Variants in PITPNB observed in about 807,000 individuals in gnomAD.
PITPNB encodes phosphatidylinositol transfer protein beta isoform.
PITPNB carries 16 observed loss-of-function variants against 45.9 expected under a neutral mutation model. That is an observed-to-expected ratio of 0.35 (90% CI 0.24 to 0.53). The LOEUF (loss-of-function observed/expected upper bound fraction) is 0.53, where lower values mean the gene tolerates loss of function less well. Among genes scored for constraint, PITPNB ranks in the 20% least tolerant of loss-of-function variants. The pLI, the probability that PITPNB is intolerant of heterozygous loss-of-function variation, is 0.93. For missense variants in PITPNB, 188 were observed against 330.5 expected (o/e 0.57, Z 3.34); for synonymous variants, 112 against 108.9 (o/e 1.03, Z -0.18).
At chr22:27,878,792 A>C (rs1054784468) in intron 7 of PITPNB, among the ~76,000 whole-genome samples, 1 of 152,236 alleles carries the variant, frequency 6.6e-6, no homozygotes, top group African/African-American at 2.4e-5. Context: ...ATTACAAATC[A>C]TTCTTATCTA....
intron 11 of PITPNB, 46 bp downstream of exon 11, chr22:27,854,808 A>C (rs1415540186): frequency 8.4e-7 from 1 of 1,190,364 alleles, no homozygotes; most frequent in Non-Finnish European, 1.2e-6. Context: ...CCATCACCAA[A>C]AAGGTACAGG....
intron 10 of PITPNB, among the ~76,000 whole-genome samples, chr22:27,855,457 C>T (rs1934145079): frequency 6.6e-6 from 1 of 152,050 alleles, no homozygotes; most frequent in Non-Finnish European, 1.5e-5. Context: ...CAATGTATGG[C>T]AAACCATGAA....
chr22:27,886,558 G>T (rs1000482145), intron 7 of PITPNB, among the ~76,000 whole-genome samples: 1 of 152,138 alleles, frequency 6.6e-6, no homozygotes, highest in African/African-American at 2.4e-5. Flanking sequence ...TTCTCTGCAT[G>T]GTGAAGTATA....
chr22:27,866,038 A>G (rs1460183503), intron 8 of PITPNB, among the ~76,000 whole-genome samples: 1 of 152,234 alleles, frequency 6.6e-6, no homozygotes, highest in African/African-American at 2.4e-5. Flanking sequence ...AGTAAATAAA[A>G]TGATTTTGCT....
At chr22:27,872,661 C>T (rs1328376415) in intron 8 of PITPNB, among the ~76,000 whole-genome samples, 2 of 143,714 alleles carry the variant, frequency 1.4e-5, no homozygotes, top group East Asian at 2.0e-4. Context: ...AACAGTAATC[C>T]TCTTATCTGC....
intron 8 of PITPNB, among the ~76,000 whole-genome samples, chr22:27,867,613 G>A (rs1934522593): frequency 6.6e-6 from 1 of 152,148 alleles, no homozygotes; most frequent in African/African-American, 2.4e-5. Flanking sequence ...AATGCTTCAT[G>A]CTTGTGGGTG....
At chr22:27,918,862 G>T (rs953169289) in intron 1 of PITPNB, among the ~76,000 whole-genome samples, 10 of 152,146 alleles carry the variant, frequency 6.6e-5, no homozygotes, top group African/African-American at 2.4e-4. Context: ...GCCTGGGGGT[G>T]GGGGGTTGGG....
In PITPNB at chr22:27,919,198, G is replaced by A. The variant is rs750285598; in HGVS notation, c.-7C>T. ...ATTCCTTGATCAGCACCATCTTCCC[G>A]GAACCCCCTCACAGCTGCCGCCGAT... is the stretch of plus-strand genomic sequence containing the variant. On this transcript the variant is annotated 5_prime_UTR_variant, in exon 1 of 12. Coordinates refer to ENST00000335272, the MANE Select transcript of PITPNB (RefSeq NM_012399.5). 5.0e-6 allele frequency: 8 copies of A among 1,613,206 alleles called. No individual in the cohort carries two copies. Among genetic ancestry groups the A allele is most frequent in the East Asian group, 2.2e-5 (1 of 44,846 alleles).
intron 5 of PITPNB, 96 bp downstream of exon 5, chr22:27,897,034 G>C: frequency 1.2e-6 from 1 of 864,138 alleles, no homozygotes; most frequent in Non-Finnish European, 2.0e-6. Flanking sequence ...ACCATGCAGC[G>C]AGGTGCAGTT....
chr22:27,875,603 A>G (rs538086576), intron 7 of PITPNB, among the ~76,000 whole-genome samples: 1 of 152,348 alleles, frequency 6.6e-6, no homozygotes, highest in South Asian at 2.1e-4. Flanking sequence ...TTCTGGTCAG[A>G]GGCTTGGAAT....
intron 2 of PITPNB, among the ~76,000 whole-genome samples, chr22:27,911,762 T>C (rs1935931339): frequency 6.6e-6 from 1 of 152,138 alleles, no homozygotes; most frequent in African/African-American, 2.4e-5. Flanking sequence ...TCATTGTGAG[T>C]CCTCAAGTAA....
chr22:27,858,287 TAAC>T, intron 10 of PITPNB, 97 bp downstream of exon 10: 3 of 946,552 alleles, frequency 3.2e-6, no homozygotes, highest in South Asian at 1.7e-5. Context: ...GAATGATTTT[TAAC>T]AACACTCTTC....
intron 1 of PITPNB, among the ~76,000 whole-genome samples, chr22:27,918,338 C>T (rs1276470033): frequency 6.6e-6 from 1 of 152,208 alleles, no homozygotes; most frequent in Non-Finnish European, 1.5e-5. Context: ...CCATACTCGA[C>T]CTCCCTAGCT....
At chr22:27,871,075 T>C (rs1934646706) in intron 8 of PITPNB, among the ~76,000 whole-genome samples, 1 of 152,190 alleles carries the variant, frequency 6.6e-6, no homozygotes, top group South Asian at 2.1e-4. Context: ...AAACTGCAGT[T>C]CTGCAATCTG....
At chr22:27,875,251 G>T (rs1211998749) in intron 7 of PITPNB, among the ~76,000 whole-genome samples, 1 of 152,228 alleles carries the variant, frequency 6.6e-6, no homozygotes, top group Admixed American at 6.5e-5. Flanking sequence ...CAGCAAATAG[G>T]TCTGGCTATA....
rs529053770 is a variant in PITPNB, at chr22:27,895,965, T to C, written c.372+587A>G. Among the ~76,000 whole-genome samples the C allele has an allele frequency of 3.9e-5, 6 of 152,342 alleles. No homozygotes were observed. In the East Asian group the frequency reaches 1.2e-3, roughly 29 times the overall value. ...AACCTATACAACAGGACTTCCCAAGTTCCACGACAAACCTTACCAAAAGTT... is the reference window on the plus strand; with the variant it reads ...AACCTATACAACAGGACTTCCCAAGCTCCACGACAAACCTTACCAAAAGTT... On this transcript the variant is annotated intron_variant, in intron 6 of 11. Transcript: ENST00000335272.
intron 7 of PITPNB, among the ~76,000 whole-genome samples, chr22:27,881,145 A>T (rs900121679): frequency 6.6e-6 from 1 of 152,230 alleles, no homozygotes; most frequent in Non-Finnish European, 1.5e-5. Flanking sequence ...ACATTTATTT[A>T]TATCTTCTTT....
chr22:27,854,827 C>T, intron 11 of PITPNB, 27 bp downstream of exon 11: 2 of 1,465,144 alleles, frequency 1.4e-6, no homozygotes, highest in Non-Finnish European at 9.5e-7. Flanking sequence ...GGTTTCGAAA[C>T]ATCTTTTTAC....
intron 7 of PITPNB, among the ~76,000 whole-genome samples, chr22:27,876,627 C>A (rs980261790): frequency 6.6e-6 from 1 of 152,090 alleles, no homozygotes; most frequent in Non-Finnish European, 1.5e-5. Flanking sequence ...ACAACAAACA[C>A]CTAATTTTTT....
Sources: gnomAD v4.1 joint callset for allele counts (sites outside exome capture counted in the v4.1 genomes callset) on GRCh38, gnomAD v4.1.1 for gene constraint, MANE v1.5 for transcripts, NCBI Gene and HGNC (gene_info 2026-07-23, HGNC 2026-07-21) for gene names.